BDNF: variants seen among roughly 807,000 people sequenced by gnomAD.
BDNF encodes brain derived neurotrophic factor.
Under a neutral mutation model 19.5 loss-of-function variants are expected in BDNF, and 1 was observed. The ratio of observed to expected loss-of-function variants is 0.05; its 90% CI spans 0.02 to 0.24. The LOEUF (loss-of-function observed/expected upper bound fraction) is 0.24, where lower values mean the gene tolerates loss of function less well. BDNF is among the 10% of genes least tolerant of loss of function. The pLI, the probability that BDNF is intolerant of heterozygous loss-of-function variation, is 1.00. For missense variants in BDNF, 195 were observed against 317.6 expected (o/e 0.61, Z 2.93); for synonymous variants, 100 against 121.6 (o/e 0.82, Z 1.17).
At chr11:27,705,325 A>G (rs1233088085), upstream of BDNF, among the ~76,000 whole-genome samples, 1 of 152,230 alleles carries the variant, frequency 6.6e-6, no homozygotes, top group African/African-American at 2.4e-5. Flanking sequence ...TAACAAATTT[A>G]AACCAAAGGG....
At chr11:27,699,544 G>C in intron 1 of BDNF, 2 of 1,584,776 alleles carry the variant, frequency 1.3e-6, no homozygotes, top group Non-Finnish European at 1.7e-6. Flanking sequence ...GCCTGCCCGA[G>C]AGTGTCGCAG....
chr11:27,700,110 T>C, intron 1 of BDNF, 54 bp downstream of exon 1: 1 of 985,924 alleles, frequency 1.0e-6, no homozygotes, highest in Non-Finnish European at 1.2e-6. Flanking sequence ...CAGTCAACTC[T>C]CTCCCGCGGA....
At chr11:27,697,138 T>G (rs1392328721) in intron 1 of BDNF, among the ~76,000 whole-genome samples, 2 of 97,210 alleles carry the variant, frequency 2.1e-5, no homozygotes, top group African/African-American at 8.3e-5. Context: ...CACGCGCACG[T>G]GCACGCACAC....
intron 1 of BDNF, among the ~76,000 whole-genome samples, chr11:27,669,396 G>T (rs1376100977): frequency 1.3e-5 from 2 of 152,190 alleles, no homozygotes; most frequent in East Asian, 3.9e-4. Context: ...AGTATTGGAC[G>T]TTCTAGCCAG....
intron 1 of BDNF, chr11:27,659,535 G>A (rs1304260189): frequency 1.0e-6 from 1 of 1,000,174 alleles, no homozygotes; most frequent in Non-Finnish European, 1.2e-6. Context: ...ATCTCCTCCA[G>A]TTCTCTAAAA....
intron 1 of BDNF, among the ~76,000 whole-genome samples, chr11:27,718,839 T>C: frequency 6.6e-6 from 1 of 152,022 alleles, no homozygotes; most frequent in East Asian, 1.9e-4. Flanking sequence ...TGGTCTTGAG[T>C]TTCGGAAACA....
chr11:27,669,907 A>G (rs1226363849), intron 1 of BDNF, among the ~76,000 whole-genome samples: 1 of 151,660 alleles, frequency 6.6e-6, no homozygotes. Context: ...GAAAAAAACT[A>G]CTTTAAAGTT....
At chr11:27,684,394 C>T (rs1000493366) in intron 1 of BDNF, among the ~76,000 whole-genome samples, 6 of 152,192 alleles carry the variant, frequency 3.9e-5, no homozygotes, top group Admixed American at 2.0e-4. Flanking sequence ...TGCTTTATTT[C>T]TTTCTATTGC....
intron 1 of BDNF, among the ~76,000 whole-genome samples, chr11:27,664,944 G>T (rs1219359498): frequency 6.6e-6 from 1 of 152,120 alleles, no homozygotes; most frequent in Non-Finnish European, 1.5e-5. Flanking sequence ...AGAAGTCTTA[G>T]CATCAAGCAT....
chr11:27,676,928 T>C (rs1030333214), intron 1 of BDNF: 2 of 152,242 alleles, frequency 1.3e-5, no homozygotes, highest in Non-Finnish European at 2.9e-5. Context: ...GCTCTTTAGA[T>C]CCAGCATGGC....
rs1855812555 is a variant in BDNF at position 27,674,338 on chromosome 11, C to T, written c.-21-15753G>A. The T allele has an allele frequency of 1.9e-6, 3 of 1,541,966 alleles. No homozygotes were observed. The South Asian group carries it at 3.6e-5, about 19-fold the overall frequency. On this transcript the variant is annotated intron_variant, in intron 1 of 1. Transcript: ENST00000356660. Reference sequence around the variant, plus strand: ...CCCACTCTATAATTTCTTTTAATTACTTAACTGTAAAGCACAGGAAAGTGC... The same window carrying T: ...CCCACTCTATAATTTCTTTTAATTATTTAACTGTAAAGCACAGGAAAGTGC...
At chr11:27,707,684 G>A (rs915963963) in intron 1 of BDNF, among the ~76,000 whole-genome samples, 16 of 152,346 alleles carry the variant, frequency 1.1e-4, no homozygotes, top group East Asian at 7.7e-4. Context: ...TGAAGACAGA[G>A]AGATGGGGTG....
rs1400299706 is a variant in BDNF, at chr11:27,656,687, G to C, written c.*1134C>G. ...GGGTTGATACAGGGCTCTACCTTTT[G>C]CTTACAAGACATTGTTAAGCCTCAC... On this transcript the variant is annotated 3_prime_UTR_variant, in exon 2 of 2. Coordinates refer to ENST00000356660, the MANE Select transcript of BDNF (RefSeq NM_001709.5). 2 of 985,322 alleles carry C rather than the reference G, an allele frequency of 2.0e-6. No homozygotes were observed. Among genetic ancestry groups the C allele is most frequent in the Non-Finnish European group, 2.4e-6 (2 of 829,910 alleles). The allele number at this position is 985,322 out of a possible 1,614,324, so 61.0% of individuals were successfully genotyped here. A position where few individuals can be genotyped will look rare whatever the true frequency, so the allele number is the denominator to read the frequency against.
chr11:27,708,206 T>C (rs947606480), intron 1 of BDNF, among the ~76,000 whole-genome samples: 3 of 152,244 alleles, frequency 2.0e-5, no homozygotes, highest in African/African-American at 7.2e-5. Flanking sequence ...TTTGCATTGT[T>C]TGTCCCTTTA....
intron 1 of BDNF, among the ~76,000 whole-genome samples, chr11:27,718,188 C>T (rs896828984): frequency 1.3e-5 from 2 of 152,094 alleles, no homozygotes; most frequent in Admixed American, 1.3e-4. Context: ...ATCCATCAAG[C>T]TGCCTCAAAA....
At chr11:27,715,401 C>T (rs1168785821) in intron 1 of BDNF, among the ~76,000 whole-genome samples, 1 of 152,086 alleles carries the variant, frequency 6.6e-6, no homozygotes, top group Non-Finnish European at 1.5e-5. Context: ...TAATGTACAT[C>T]TTGGCTTTGG....
At chr11:27,662,867 A>T (rs1327359792) in intron 1 of BDNF, among the ~76,000 whole-genome samples, 1 of 152,192 alleles carries the variant, frequency 6.6e-6, no homozygotes, top group Non-Finnish European at 1.5e-5. Context: ...CCCTGCTCTA[A>T]GGAATTTGAC....
At chr11:27,718,096 G>C (rs1426850250) in intron 1 of BDNF, among the ~76,000 whole-genome samples, 1 of 152,072 alleles carries the variant, frequency 6.6e-6, no homozygotes, top group African/African-American at 2.4e-5. Flanking sequence ...AACTGTATTA[G>C]GCAGCAGCGA....
intron 1 of BDNF, among the ~76,000 whole-genome samples, chr11:27,698,942 T>C (rs1170571710): frequency 6.6e-6 from 1 of 152,084 alleles, no homozygotes. Flanking sequence ...AAAACTTGCA[T>C]AGAAGCCAAA....
Sources: gnomAD v4.1 joint callset for allele counts (sites outside exome capture counted in the v4.1 genomes callset) on GRCh38, gnomAD v4.1.1 for gene constraint, MANE v1.5 for transcripts, NCBI Gene and HGNC (gene_info 2026-07-23, HGNC 2026-07-21) for gene names.